DCUN1D1: variants seen among roughly 807,000 people sequenced by gnomAD.
DCUN1D1 encodes the protein defective in cullin neddylation 1 domain containing 1.
In DCUN1D1, 3 loss-of-function variants were observed where a neutral mutation model predicts 39.0. The observed-to-expected ratio is 0.08, with a 90% CI of 0.04 to 0.20. The LOEUF is 0.20. Among genes scored for constraint, DCUN1D1 ranks in the 10% least tolerant of loss-of-function variants. The probability of loss-of-function intolerance (pLI) is 1.00; values close to 1 mark genes in which losing one functional copy is unlikely to be tolerated. For missense variants in DCUN1D1, 158 were observed against 302.4 expected (o/e 0.52, Z 3.54); for synonymous variants, 82 against 96.3 (o/e 0.85, Z 0.87).
chr3:182,947,522 G>C (rs950635656), intron 5 of DCUN1D1, 28 bp downstream of exon 5: 6 of 1,344,222 alleles, frequency 4.5e-6, no homozygotes, highest in Non-Finnish European at 6.3e-6. Flanking sequence ...TGAGAAAACA[G>C]AGAGAAATGT....
intron 1 of DCUN1D1, among the ~76,000 whole-genome samples, chr3:182,967,378 T>C (rs1401806350): frequency 1.3e-5 from 2 of 152,100 alleles, no homozygotes; most frequent in Non-Finnish European, 2.9e-5. Flanking sequence ...TAAATCATAC[T>C]GCTTGCTGTA....
At chr3:182,975,808 A>G (rs959644579) in intron 1 of DCUN1D1, among the ~76,000 whole-genome samples, 7 of 148,606 alleles carry the variant, frequency 4.7e-5, no homozygotes, top group African/African-American at 1.7e-4. Flanking sequence ...ACATACTAGC[A>G]TGAAATCATT....
At chr3:182,981,729 C>A (rs140691562), upstream of DCUN1D1, among the ~76,000 whole-genome samples, 19 of 152,348 alleles carry the variant, frequency 1.2e-4, no homozygotes, top group Admixed American at 1.2e-3. Flanking sequence ...TTTGTTCTTA[C>A]CAAAACAACA....
chr3:182,963,731 C>T, intron 3 of DCUN1D1, 150 bp downstream of exon 3: 1 of 637,712 alleles, frequency 1.6e-6, no homozygotes, highest in South Asian at 2.9e-5. Flanking sequence ...ACCCAAAAAA[C>T]TGTATAACAT....
rs1439302136 is a variant in DCUN1D1, at chr3:182,942,108, T to C, written c.*2986A>G. ...TATTTTGTTGAGTAAATTTACTTTC[T>C]CTCATTAAAACTTTTTAAAAGTCTA... On this transcript the variant is annotated 3_prime_UTR_variant, in exon 7 of 7. Transcript: ENST00000292782. 1.3e-5 allele frequency: 2 copies of C among 152,266 alleles called. No homozygotes were observed. The highest frequency in any genetic ancestry group is 1.9e-4 in the East Asian group (1 of 5,186). 9.4% of individuals were successfully genotyped at this position (152,266 alleles called of 1,614,324 possible).
intron 4 of DCUN1D1, among the ~76,000 whole-genome samples, chr3:182,953,800 T>C (rs1726876622): frequency 6.6e-6 from 1 of 152,196 alleles, no homozygotes; most frequent in African/African-American, 2.4e-5. Context: ...TAACAAGCTA[T>C]TGCATAAAAT....
At chr3:182,978,121 G>A (rs1241761616) in intron 1 of DCUN1D1, among the ~76,000 whole-genome samples, 1 of 149,388 alleles carries the variant, frequency 6.7e-6, no homozygotes, top group African/African-American at 2.4e-5. Flanking sequence ...TTTTTAGTCT[G>A]TGTGTGGGGG....
chr3:182,963,842 A>G, intron 3 of DCUN1D1, 39 bp downstream of exon 3: 1 of 1,482,032 alleles, frequency 6.7e-7, no homozygotes. Context: ...TCAGTTCCAC[A>G]GTAACATATC....
At chr3:182,945,796 T>C (rs141178933) in intron 6 of DCUN1D1, among the ~76,000 whole-genome samples, 58 of 152,326 alleles carry the variant, frequency 3.8e-4, no homozygotes, top group African/African-American at 1.2e-3. Context: ...TAAAATTGCA[T>C]ATATGCATGC....
At chr3:182,970,238 T>C (rs1343708600) in intron 1 of DCUN1D1, among the ~76,000 whole-genome samples, 2 of 151,974 alleles carry the variant, frequency 1.3e-5, no homozygotes, top group Non-Finnish European at 1.5e-5. Context: ...CACTACAGCC[T>C]GGGTGACAGA....
At position 182,961,363 on chromosome 3, in the gene DCUN1D1, C is replaced by G. The variant is rs755909007; in HGVS notation, c.390-7G>C. On this transcript the variant is annotated splice_region_variant and splice_polypyrimidine_tract_variant and intron_variant, in intron 3 of 6. Coordinates refer to ENST00000292782, the MANE Select transcript of DCUN1D1 (RefSeq NM_020640.4). Reference sequence around the variant, plus strand: ...TTTTTCTATGCTGTCACATCTGCGTCGTAAAATTAAGTTTATAAAAGATTA... The same window carrying G: ...TTTTTCTATGCTGTCACATCTGCGTGGTAAAATTAAGTTTATAAAAGATTA... The G allele has an allele frequency of 1.3e-6, 2 of 1,578,948 alleles. No individual in the cohort carries two copies. Among genetic ancestry groups the G allele is most frequent in the Non-Finnish European group, 1.7e-6 (2 of 1,168,368 alleles).
chr3:182,968,936 C>T (rs1727802723), intron 1 of DCUN1D1, among the ~76,000 whole-genome samples: 1 of 152,134 alleles, frequency 6.6e-6, no homozygotes, highest in African/African-American at 2.4e-5. Flanking sequence ...GTATAAATTT[C>T]CACTATATAG....
At chr3:182,962,045 C>T (rs1203383996) in intron 3 of DCUN1D1, among the ~76,000 whole-genome samples, 6 of 152,100 alleles carry the variant, frequency 3.9e-5, no homozygotes, top group Admixed American at 3.9e-4. Flanking sequence ...TCGTTTTTTG[C>T]TTTCATTTTC....
chr3:182,964,102 G>T, intron 2 of DCUN1D1, 53 bp from the exon 3 acceptor site: 1 of 1,466,870 alleles, frequency 6.8e-7, no homozygotes. Flanking sequence ...GCTACATTAT[G>T]AAAACTGAAA....
At chr3:182,973,054 G>C (rs1277158526) in intron 1 of DCUN1D1, among the ~76,000 whole-genome samples, 1 of 152,058 alleles carries the variant, frequency 6.6e-6, no homozygotes, top group African/African-American at 2.4e-5. Context: ...AAAAAAAAGG[G>C]GGGGGCTCTG....
chr3:182,970,981 A>G (rs1249892967), intron 1 of DCUN1D1, among the ~76,000 whole-genome samples: 1 of 152,218 alleles, frequency 6.6e-6, no homozygotes, highest in African/African-American at 2.4e-5. Flanking sequence ...CTACTCCAGG[A>G]AAGTCAGAAT....
chr3:182,954,070 T>A (rs1164057264), intron 4 of DCUN1D1, among the ~76,000 whole-genome samples: 2 of 152,228 alleles, frequency 1.3e-5, no homozygotes, highest in Non-Finnish European at 2.9e-5. Flanking sequence ...ATGTCTTTTT[T>A]AATCAATCTC....
intron 1 of DCUN1D1, among the ~76,000 whole-genome samples, chr3:182,967,689 C>T (rs1038464650): frequency 2.0e-5 from 3 of 152,142 alleles, no homozygotes; most frequent in African/African-American, 7.2e-5. Flanking sequence ...TAAGTCATAT[C>T]CCATTGCAAA....
intron 1 of DCUN1D1, among the ~76,000 whole-genome samples, chr3:182,979,565 G>T (rs926106920): frequency 6.6e-6 from 1 of 150,474 alleles, no homozygotes; most frequent in Non-Finnish European, 1.5e-5. Flanking sequence ...TAAACAACTC[G>T]ACCACAAGGG....
Sources: allele counts gnomAD v4.1 joint callset (sites outside exome capture counted in the v4.1 genomes callset), GRCh38; gene constraint gnomAD v4.1.1; transcripts MANE v1.5; gene names NCBI Gene and HGNC (gene_info 2026-07-23, HGNC 2026-07-21).